Variants in GRIN2B observed in about 807,000 individuals in gnomAD.
GRIN2B encodes the protein glutamate receptor ionotropic, NMDA 2B.
In GRIN2B, 5 loss-of-function variants were observed where a neutral mutation model predicts 114.5. The ratio of observed to expected loss-of-function variants is 0.04; its 90% confidence interval spans 0.02 to 0.09. GRIN2B has a LOEUF of 0.09. Among genes scored for constraint, GRIN2B ranks in the 10% least tolerant of loss-of-function variants. The probability of loss-of-function intolerance (pLI) is 1.00; values close to 1 mark genes in which losing one functional copy is unlikely to be tolerated. For synonymous variants in GRIN2B, 787 were observed against 745.1 expected, an observed-to-expected ratio of 1.06 and a Z score of -0.92; for missense variants, 1,108 against 1,943.5, an observed-to-expected ratio of 0.57 and a Z score of 8.08.
rs968337190 is a variant in GRIN2B at position 13,560,856 on chromosome 12, A to C, written c.*1927T>G. Reference sequence around the variant, plus strand: ...GCGGGATGAGGAAGGGTCACGAGTGAGGGCAAACAGGGGCGAAGAGCAGCC... The same window carrying C: ...GCGGGATGAGGAAGGGTCACGAGTGCGGGCAAACAGGGGCGAAGAGCAGCC... On this transcript the variant is annotated 3_prime_UTR_variant, in exon 14 of 14. Transcript: ENST00000609686. 1.3e-5 allele frequency: 2 copies of C among 152,306 alleles called. No individual in the cohort carries two copies. The highest frequency in any genetic ancestry group is 2.9e-5 in the Non-Finnish European group (2 of 68,068). The allele number at this position is 152,306 out of a possible 1,614,324, so 9.4% of individuals were successfully genotyped here. A position where few individuals can be genotyped will look rare whatever the true frequency, so the allele number is the denominator to read the frequency against.
At position 13,560,521 on chromosome 12, in the gene GRIN2B, G is replaced by T. The variant is rs569532117; in HGVS notation, c.*2262C>A. 2 of 152,344 alleles carry T rather than the reference G, an allele frequency of 1.3e-5. No homozygotes were observed. Among genetic ancestry groups the T allele is most frequent in the Non-Finnish European group, 2.9e-5 (2 of 68,088 alleles). 9.4% of individuals were successfully genotyped at this position (152,344 alleles called of 1,614,324 possible). On this transcript the variant is annotated 3_prime_UTR_variant, in exon 14 of 14. Coordinates refer to ENST00000609686, the MANE Select transcript of GRIN2B (RefSeq NM_000834.5). ...TGGTTTGGTTTTTTTGTTTGAAAGG[G>T]GTGAGGTAAGAGGAAGATGAGGGGA...
rs112672765 is a variant in GRIN2B at position 13,932,855 on chromosome 12, A to T, written c.-19+47073T>A. On this transcript the variant is annotated intron_variant, in intron 2 of 13. Coordinates refer to ENST00000609686, the MANE Select transcript of GRIN2B (RefSeq NM_000834.5). ...TTTCTACACTGTTCTCTTCCCAGAT[A>T]AGGTAAGTAGAAAGACTTCATCTAA... 6.3e-4 allele frequency among the ~76,000 whole-genome samples: 96 copies of T among 152,328 alleles called. 1 individual carries two copies. Among genetic ancestry groups the T allele is most frequent in the Non-Finnish European group, 1.1e-3 (76 of 68,026 alleles).
Position 13,562,543 on chromosome 12 carries a change from G to A in GRIN2B, c.*240C>T. ...AGAGGGCCCATGGCATCATCTCATG[G>A]GAACAGGAATGGCTGACAGCGGGGG... is the stretch of plus-strand genomic sequence containing the variant. On this transcript the variant is annotated 3_prime_UTR_variant, in exon 14 of 14. Coordinates refer to ENST00000609686, the MANE Select transcript of GRIN2B (RefSeq NM_000834.5). 1 of 545,902 alleles carries A rather than the reference G, an allele frequency of 1.8e-6. No individual in the cohort carries two copies. Among genetic ancestry groups the A allele is most frequent in the East Asian group, 3.1e-5 (1 of 32,064 alleles). 33.8% of individuals were successfully genotyped at this position (545,902 alleles called of 1,614,324 possible).
intron 2 of GRIN2B, among the ~76,000 whole-genome samples, chr12:13,958,972 G>T (rs560666369): frequency 6.6e-6 from 1 of 152,238 alleles, no homozygotes; most frequent in East Asian, 1.9e-4. Context: ...AAAAAAAAGG[G>T]GGTGGAGGGG....
At chr12:13,689,923 T>A (rs576409278) in intron 4 of GRIN2B, among the ~76,000 whole-genome samples, 30 of 152,110 alleles carry the variant, frequency 2.0e-4, no homozygotes, top group Non-Finnish European at 4.1e-4. Flanking sequence ...TCTTATCCTC[T>A]CTCTACACTT....
Position 13,560,470 on chromosome 12 carries a change from T to G in GRIN2B, c.*2313A>C, listed in dbSNP as rs1273691094. 1 of 152,256 alleles carries G rather than the reference T, an allele frequency of 6.6e-6. No homozygotes were observed. The highest frequency in any genetic ancestry group is 1.5e-5 in the Non-Finnish European group (1 of 68,066). The allele number at this position is 152,256 out of a possible 1,614,324, so 9.4% of individuals were successfully genotyped here. ...CGGAGACTGAAAGAGCTCCCTTGGT[T>G]CTAGATTGCTGTTCGCTAGGTTAGT... On this transcript the variant is annotated 3_prime_UTR_variant, in exon 14 of 14. Transcript: ENST00000609686.
chr12:13,727,301 G>A (rs1166977038), intron 4 of GRIN2B, among the ~76,000 whole-genome samples: 1 of 152,110 alleles, frequency 6.6e-6, no homozygotes, highest in Non-Finnish European at 1.5e-5. Context: ...ATACAACACA[G>A]CCTTGGTTCC....
rs183085970 is a variant in GRIN2B, at chr12:13,839,458, A to G, written c.411+26340T>C. On this transcript the variant is annotated intron_variant, in intron 3 of 13. Transcript: ENST00000609686. ...ACAATCGTCATGGTGAAAATCCCTGAGATGTTTTTCAGCTCCCTCTAGCCA... is the reference window on the plus strand; with the variant it reads ...ACAATCGTCATGGTGAAAATCCCTGGGATGTTTTTCAGCTCCCTCTAGCCA... Among the ~76,000 whole-genome samples the G allele has an allele frequency of 2.0e-3, 298 of 152,328 alleles. 2 individuals are homozygous for G. Among genetic ancestry groups the G allele is most frequent in the Admixed American group, 0.018 (274 of 15,288 alleles).
At chr12:13,956,219 A>G (rs1356863327) in intron 2 of GRIN2B, among the ~76,000 whole-genome samples, 1 of 152,176 alleles carries the variant, frequency 6.6e-6, no homozygotes, top group African/African-American at 2.4e-5. Context: ...GCTGGAGCAG[A>G]AAGAGGAGGA....
chr12:13,750,342 G>A (rs1362860869), intron 4 of GRIN2B, among the ~76,000 whole-genome samples: 1 of 152,204 alleles, frequency 6.6e-6, no homozygotes, highest in Admixed American at 6.5e-5. Context: ...CGATTTCAGA[G>A]ATATGTGGTT....
intron 2 of GRIN2B, among the ~76,000 whole-genome samples, chr12:13,937,105 G>GA (rs1163078482): frequency 4.7e-4 from 40 of 84,516 alleles, no homozygotes; most frequent in East Asian, 3.0e-3. Flanking sequence ...AAGGGGGGGG[G>GA]GAAGATTGAA....
intron 4 of GRIN2B, among the ~76,000 whole-genome samples, chr12:13,705,628 C>T (rs1300601666): frequency 6.6e-6 from 1 of 152,060 alleles, no homozygotes; most frequent in Non-Finnish European, 1.5e-5. Flanking sequence ...TTTTTGTTTT[C>T]ACCAAAAATA....
At chr12:13,707,301 C>T (rs546069712) in intron 4 of GRIN2B, among the ~76,000 whole-genome samples, 1 of 152,222 alleles carries the variant, frequency 6.6e-6, no homozygotes, top group East Asian at 1.9e-4. Context: ...AACGCCCAAA[C>T]AAGTAGGTCT....
chr12:13,684,566 G>C (rs1432503401), intron 4 of GRIN2B, among the ~76,000 whole-genome samples: 1 of 152,164 alleles, frequency 6.6e-6, no homozygotes, highest in Non-Finnish European at 1.5e-5. Context: ...ATTAGACAAT[G>C]CTAGAAAGGT....
intron 2 of GRIN2B, among the ~76,000 whole-genome samples, chr12:13,919,917 G>A (rs374366927): frequency 2.2e-4 from 33 of 152,198 alleles, no homozygotes; most frequent in South Asian, 6.2e-4. Context: ...AGCATTTGAC[G>A]CCCTTTACCA....
chr12:13,618,488 C>A (rs954492005), intron 5 of GRIN2B, among the ~76,000 whole-genome samples: 6 of 152,082 alleles, frequency 3.9e-5, no homozygotes, highest in African/African-American at 1.4e-4. Flanking sequence ...ACTAGCCTGG[C>A]CTATTATAGC....
At chr12:13,605,558 C>CTCTCTCTCTG (rs1565472545) in intron 10 of GRIN2B, among the ~76,000 whole-genome samples, 2 of 143,106 alleles carry the variant, frequency 1.4e-5, no homozygotes, top group African/African-American at 5.1e-5. Context: ...CTCTGACACA[C>CTCTCTCTCTG]ACACACACAC....
chr12:13,852,691 G>GGA (rs1555147773), intron 3 of GRIN2B, among the ~76,000 whole-genome samples: 3 of 98,258 alleles, frequency 3.1e-5, no homozygotes, highest in Non-Finnish European at 5.8e-5. Flanking sequence ...AGAGAGATGA[G>GGA]GAAAAAAAAA....
chr12:13,752,469 T>A (rs1016878257), intron 4 of GRIN2B, among the ~76,000 whole-genome samples: 1 of 152,230 alleles, frequency 6.6e-6, no homozygotes, highest in Admixed American at 6.5e-5. Flanking sequence ...GGATTTAAGA[T>A]CACTTTTATT....
Sources: allele counts gnomAD v4.1 joint callset (sites outside exome capture counted in the v4.1 genomes callset), GRCh38; gene constraint gnomAD v4.1.1; transcripts MANE v1.5; gene names NCBI Gene and HGNC (gene_info 2026-07-23, HGNC 2026-07-21).